The following ZFPM2 variants were observed in gnomAD, a reference collection of about 807,000 sequenced individuals.
The protein encoded by ZFPM2 is zinc finger protein, FOG family member 2.
ZFPM2 carries 20 observed loss-of-function variants against 98.6 expected under a neutral mutation model. That is an observed-to-expected ratio of 0.20 (90% CI 0.14 to 0.29). The LOEUF (loss-of-function observed/expected upper bound fraction) is 0.29, where lower values mean the gene tolerates loss of function less well. Ranked by LOEUF, ZFPM2 falls within the 10% of genes least tolerant of loss-of-function variation. The pLI, the probability that ZFPM2 is intolerant of heterozygous loss-of-function variation, is 1.00. For synonymous variants in ZFPM2, 518 were observed against 502.7 expected (o/e 1.03, Z -0.41); for missense variants, 1,310 against 1,388.6 (o/e 0.94, Z 0.90).
chr8:105,786,183 C>A (rs1813413618), intron 5 of ZFPM2, among the ~76,000 whole-genome samples: 1 of 151,112 alleles, frequency 6.6e-6, no homozygotes. Context: ...ATGTACCTGC[C>A]TGGTCCTGCC....
At chr8:105,768,083 T>C (rs1456530979) in intron 5 of ZFPM2, among the ~76,000 whole-genome samples, 1 of 146,824 alleles carries the variant, frequency 6.8e-6, no homozygotes, top group Non-Finnish European at 1.5e-5. Flanking sequence ...CAAACACATA[T>C]TCCTCTCTCT....
Position 105,522,341 on chromosome 8 carries a change from T to A in ZFPM2, c.302-39022T>A, listed in dbSNP as rs537911546. Among the ~76,000 whole-genome samples, 240 of 152,350 alleles carry A rather than the reference T, an allele frequency of 1.6e-3. 1 individual carries two copies. The highest frequency in any genetic ancestry group is 5.4e-3 in the African/African-American group (225 of 41,584). ...GAACGATGTTTGGGAGAACAACATCTTTTAACTTTTCACCATGTAATTAAA... is the reference window on the plus strand; with the variant it reads ...GAACGATGTTTGGGAGAACAACATCATTTAACTTTTCACCATGTAATTAAA... On this transcript the variant is annotated intron_variant, in intron 3 of 7. Coordinates refer to ENST00000407775, the MANE Select transcript of ZFPM2 (RefSeq NM_012082.4).
rs936077679 is a variant in ZFPM2 at position 105,325,462 on chromosome 8, A to G, written c.40+6481A>G. The stretch of plus-strand genomic sequence containing the variant: ...CCTTGTCTCTTGCTTGTAGGGATCA[A>G]TATTAGTATTAATTAATCACCATTA... On this transcript the variant is annotated intron_variant, in intron 1 of 7. Transcript: ENST00000407775. 7.1e-4 allele frequency among the ~76,000 whole-genome samples: 107 copies of G among 151,752 alleles called. 3 individuals are homozygous for G. Among genetic ancestry groups the G allele is most frequent in the African/African-American group, 2.5e-3 (103 of 41,390 alleles).
At chr8:105,630,463 CTTA>C (rs924864659) in intron 4 of ZFPM2, among the ~76,000 whole-genome samples, 2 of 152,140 alleles carry the variant, frequency 1.3e-5, no homozygotes, top group Non-Finnish European at 2.9e-5. Context: ...TTTTTATCTA[CTTA>C]TTATTTACTT....
chr8:105,647,712 C>CT (rs1424278181), intron 5 of ZFPM2, among the ~76,000 whole-genome samples: 1 of 152,020 alleles, frequency 6.6e-6, no homozygotes, highest in Non-Finnish European at 1.5e-5. Flanking sequence ...TGAACTCATC[C>CT]TTTTTTATGG....
intron 1 of ZFPM2, among the ~76,000 whole-genome samples, chr8:105,381,274 G>T (rs922863528): frequency 5.9e-5 from 9 of 151,782 alleles, no homozygotes; most frequent in African/African-American, 9.7e-5. Context: ...GAAAGGACAT[G>T]AACTCATCCT....
chr8:105,571,005 TTTAA>T (rs1173989065), intron 4 of ZFPM2, among the ~76,000 whole-genome samples: 1 of 152,238 alleles, frequency 6.6e-6, no homozygotes, highest in Non-Finnish European at 1.5e-5. Context: ...GTGCTATTAA[TTTAA>T]TTAATTTCTG....
intron 4 of ZFPM2, among the ~76,000 whole-genome samples, chr8:105,595,379 A>C (rs575778756): frequency 6.6e-6 from 1 of 152,236 alleles, no homozygotes; most frequent in Admixed American, 6.5e-5. Context: ...GCTATTATCC[A>C]AAAGAGCTGG....
intron 3 of ZFPM2, among the ~76,000 whole-genome samples, chr8:105,536,039 C>T (rs1348142385): frequency 1.3e-5 from 2 of 152,094 alleles, no homozygotes; most frequent in Non-Finnish European, 2.9e-5. Context: ...TAGAATATTT[C>T]AAAGTTTTAA....
intron 1 of ZFPM2, among the ~76,000 whole-genome samples, chr8:105,342,597 A>G (rs935115955): frequency 6.6e-6 from 1 of 152,054 alleles, no homozygotes; most frequent in African/African-American, 2.4e-5. Flanking sequence ...CCACAGAGAA[A>G]AGACCAAAGA....
chr8:105,414,257 TATATC>T (rs1811634879), intron 1 of ZFPM2, among the ~76,000 whole-genome samples: 1 of 152,030 alleles, frequency 6.6e-6, no homozygotes, highest in East Asian at 1.9e-4. Context: ...TGGGGGATAT[TATATC>T]AGAACCATAG....
At chr8:105,416,773 C>T (rs1811687476) in intron 1 of ZFPM2, among the ~76,000 whole-genome samples, 2 of 151,812 alleles carry the variant, frequency 1.3e-5, no homozygotes, top group Non-Finnish European at 2.9e-5. Context: ...ATCTTTCTGA[C>T]TTTGGGGAGG....
At chr8:105,415,377 A>C in intron 1 of ZFPM2, among the ~76,000 whole-genome samples, 1 of 152,012 alleles carries the variant, frequency 6.6e-6, no homozygotes, top group East Asian at 1.9e-4. Flanking sequence ...AATATCTATA[A>C]ATCAGAAGCA....
chr8:105,671,571 A>G (rs553218667), intron 5 of ZFPM2, among the ~76,000 whole-genome samples: 117 of 152,224 alleles, frequency 7.7e-4, no homozygotes, highest in African/African-American at 2.8e-3. Context: ...TGTCAAATTC[A>G]TGCATCTTTC....
chr8:105,419,294 G>A lies in ZFPM2; in HGVS notation c.191G>A (p.Cys64Tyr), dbSNP rs180852828. Residue 64 changes from cysteine (C) to tyrosine (Y), a missense_variant, in exon 2 of 8, where the codon TGT becomes TAT. Transcript: ENST00000407775. Reference sequence around the variant, plus strand: ...AGCTGCGAAGAAGTGGAATACTTTTGTAACAAAGGTAATTGTTGATGGTTG... The same window carrying A: ...AGCTGCGAAGAAGTGGAATACTTTTATAACAAAGGTAATTGTTGATGGTTG... ...NLSCEEVEYFCNKGDDEGIQE... is the reference protein window; with the variant it reads ...NLSCEEVEYFYNKGDDEGIQE... 1.3e-3 allele frequency: 2,113 copies of A among 1,613,102 alleles called. 24 individuals are homozygous for A. Among genetic ancestry groups the A allele is most frequent in the South Asian group, 3.5e-4 (32 of 90,848 alleles).
chr8:105,753,972 T>C (rs1309396200), intron 5 of ZFPM2, among the ~76,000 whole-genome samples: 1 of 152,176 alleles, frequency 6.6e-6, no homozygotes, highest in Non-Finnish European at 1.5e-5. Context: ...TATGTTTAGA[T>C]TTTTATTTCA....
At chr8:105,706,276 CT>C (rs1811258436) in intron 5 of ZFPM2, among the ~76,000 whole-genome samples, 1 of 152,110 alleles carries the variant, frequency 6.6e-6, no homozygotes, top group East Asian at 1.9e-4. Context: ...ACAAGGGTGA[CT>C]TTGGCAACGT....
At chr8:105,716,689 CA>C (rs900169181) in intron 5 of ZFPM2, among the ~76,000 whole-genome samples, 1 of 151,880 alleles carries the variant, frequency 6.6e-6, no homozygotes, top group Non-Finnish European at 1.5e-5. Flanking sequence ...ATCCAGACAC[CA>C]AAAGGAAAGC....
At chr8:105,688,944 C>G (rs1409650481) in intron 5 of ZFPM2, among the ~76,000 whole-genome samples, 1 of 152,132 alleles carries the variant, frequency 6.6e-6, no homozygotes, top group Non-Finnish European at 1.5e-5. Flanking sequence ...CATTAGTGTT[C>G]AAATAAATTG....
Sources: allele counts gnomAD v4.1 joint callset (sites outside exome capture counted in the v4.1 genomes callset), GRCh38; gene constraint gnomAD v4.1.1; transcripts MANE v1.5; gene names NCBI Gene and HGNC (gene_info 2026-07-23, HGNC 2026-07-21).